The following ANKS1B variants were observed in gnomAD, a reference collection of about 807,000 sequenced individuals.
ANKS1B encodes ankyrin repeat and sterile alpha motif domain-containing protein 1B.
A neutral mutation model predicts 148.3 loss-of-function variants in ANKS1B; 36 were observed. That is an observed-to-expected ratio of 0.24 (90% CI 0.19 to 0.32). The LOEUF (loss-of-function observed/expected upper bound fraction) is 0.32, where lower values mean the gene tolerates loss of function less well. ANKS1B is among the 10% of genes least tolerant of loss of function. The pLI is 1.00. For synonymous variants in ANKS1B, 542 were observed against 560.8 expected (o/e 0.97, Z 0.47); for missense variants, 1,157 against 1,542.6 (o/e 0.75, Z 4.19).
At chr12:99,101,866 G>T (rs1264307916) in intron 15 of ANKS1B, among the ~76,000 whole-genome samples, 1 of 152,098 alleles carries the variant, frequency 6.6e-6, no homozygotes, top group Non-Finnish European at 1.5e-5. Context: ...TCAGCCTTGA[G>T]GGGCTGTGTT....
At chr12:99,329,540 G>A (rs1355698134) in intron 12 of ANKS1B, among the ~76,000 whole-genome samples, 1 of 151,700 alleles carries the variant, frequency 6.6e-6, no homozygotes, top group Non-Finnish European at 1.5e-5. Flanking sequence ...AGATCATATA[G>A]TACTTGTACA....
intron 17 of ANKS1B, chr12:99,049,109 T>C (rs1004734909): frequency 6.6e-6 from 1 of 152,230 alleles, no homozygotes; most frequent in African/African-American, 2.4e-5. Context: ...GTAACCTCCC[T>C]GGTATGGAAA....
intron 17 of ANKS1B, among the ~76,000 whole-genome samples, chr12:99,027,423 CAG>C (rs1457114376): frequency 1.3e-5 from 2 of 152,176 alleles, no homozygotes; most frequent in African/African-American, 4.8e-5. Context: ...ATGTGCTGAT[CAG>C]AGAGTCAGAG....
intron 9 of ANKS1B, among the ~76,000 whole-genome samples, chr12:99,631,701 T>C (rs1418049308): frequency 1.3e-5 from 2 of 152,220 alleles, no homozygotes; most frequent in African/African-American, 2.4e-5. Flanking sequence ...CTAGAGTATG[T>C]GGCAGAAGAA....
rs1046505259 is a variant in ANKS1B, at chr12:99,425,678, C to T, written c.1575+17995G>A. ...TTGTGCATTTCCTTGATATTCAGCG[C>T]CATTAATCATTTTTCCTTTTATTTA... On this transcript the variant is annotated intron_variant, in intron 11 of 26. Coordinates refer to ENST00000683438, the MANE Select transcript of ANKS1B (RefSeq NM_001352186.2). Among the ~76,000 whole-genome samples the T allele has an allele frequency of 4.6e-5, 7 of 151,778 alleles. 1 individual carries two copies. Among genetic ancestry groups the T allele is most frequent in the Admixed American group, 2.0e-4 (3 of 15,242 alleles).
In ANKS1B at chr12:99,043,267, G is replaced by A. The variant is rs180746207; in HGVS notation, c.2778+9890C>T. ...TGTTATTCAAATTAATCTAATTTGT[G>A]GAATACACAGTAGAGGGTTTTCCCC... On this transcript the variant is annotated intron_variant, in intron 17 of 26. Coordinates refer to ENST00000683438, the MANE Select transcript of ANKS1B (RefSeq NM_001352186.2). Among the ~76,000 whole-genome samples, 431 of 152,214 alleles carry A rather than the reference G, an allele frequency of 2.8e-3. 2 individuals are homozygous for A. Among genetic ancestry groups the A allele is most frequent in the African/African-American group, 9.6e-3 (400 of 41,526 alleles).
intron 16 of ANKS1B, among the ~76,000 whole-genome samples, chr12:99,081,043 G>A (rs899412548): frequency 5.9e-5 from 9 of 152,136 alleles, no homozygotes; most frequent in African/African-American, 2.2e-4. Context: ...AAAAGACAGC[G>A]AGAAAGATGC....
In ANKS1B at chr12:99,443,745, G is replaced by T; in HGVS notation, c.1503C>A (p.Gly501=). Residue 501 remains glycine, a synonymous_variant, in exon 11 of 27, where the codon GGC becomes GGA. Transcript: ENST00000683438. ...GTSNHRNSST[G]PTPDCSPPSP... is the part of the protein sequence containing the mutation. ...ATGGAGGTGAACAATCAGGTGTTGG[G>T]CCTGTTGAGCTGTTTCTATGGTTAC... 6.2e-7 allele frequency: 1 copy of T among 1,612,284 alleles called. No homozygotes were observed. The highest frequency in any genetic ancestry group is 8.5e-7 in the Non-Finnish European group (1 of 1,178,864).
At chr12:99,009,152 G>A (rs1264914185) in intron 17 of ANKS1B, among the ~76,000 whole-genome samples, 2 of 152,216 alleles carry the variant, frequency 1.3e-5, no homozygotes, top group South Asian at 2.1e-4. Flanking sequence ...GAAAAGCAAA[G>A]CAGAGAATCT....
At chr12:99,205,453 T>G (rs2082548012) in intron 14 of ANKS1B, among the ~76,000 whole-genome samples, 1 of 152,168 alleles carries the variant, frequency 6.6e-6, no homozygotes, top group Non-Finnish European at 1.5e-5. Context: ...TGTTGAAACT[T>G]AATCTTTTGA....
intron 17 of ANKS1B, among the ~76,000 whole-genome samples, chr12:98,958,858 C>T (rs1158138592): frequency 1.3e-5 from 2 of 152,126 alleles, no homozygotes; most frequent in Non-Finnish European, 2.9e-5. Flanking sequence ...TTTGCTACAA[C>T]ATTTAGATGT....
intron 17 of ANKS1B, among the ~76,000 whole-genome samples, chr12:98,944,484 C>T (rs567242876): frequency 6.6e-6 from 1 of 152,092 alleles, no homozygotes; most frequent in South Asian, 2.1e-4. Context: ...ATAAGTTACT[C>T]AGCCTCAGGC....
At chr12:99,089,340 G>A (rs1282511892) in intron 15 of ANKS1B, among the ~76,000 whole-genome samples, 1 of 151,950 alleles carries the variant, frequency 6.6e-6, no homozygotes, top group Non-Finnish European at 1.5e-5. Context: ...ACCAGAATAA[G>A]CTGTTCCCCC....
intron 15 of ANKS1B, among the ~76,000 whole-genome samples, chr12:99,118,435 T>A (rs2061930829): frequency 6.6e-6 from 1 of 152,342 alleles, no homozygotes; most frequent in South Asian, 2.1e-4. Flanking sequence ...TGATGCAGTA[T>A]AATCTTTTAT....
chr12:99,899,799 T>A (rs1212835584), intron 1 of ANKS1B, among the ~76,000 whole-genome samples: 4 of 152,170 alleles, frequency 2.6e-5, no homozygotes, highest in Non-Finnish European at 4.4e-5. Context: ...TTATTTATAA[T>A]CTACCCTCAG....
chr12:99,862,273 G>A (rs2153719295), intron 1 of ANKS1B, among the ~76,000 whole-genome samples: 1 of 152,134 alleles, frequency 6.6e-6, no homozygotes, highest in East Asian at 1.9e-4. Context: ...GTTTGTAAAA[G>A]GATTGTTTTT....
At chr12:99,662,401 T>C (rs1316286432) in intron 8 of ANKS1B, among the ~76,000 whole-genome samples, 1 of 152,216 alleles carries the variant, frequency 6.6e-6, no homozygotes, top group South Asian at 2.1e-4. Flanking sequence ...AGCTGCATGA[T>C]TGCAGAGATG....
intron 12 of ANKS1B, among the ~76,000 whole-genome samples, chr12:99,371,668 C>T (rs1368886945): frequency 1.3e-5 from 2 of 152,000 alleles, no homozygotes; most frequent in East Asian, 1.9e-4. Flanking sequence ...CTGTGAGAAC[C>T]TTCCAAATTC....
At chr12:99,613,577 T>C (rs935446600) in intron 9 of ANKS1B, among the ~76,000 whole-genome samples, 2 of 152,034 alleles carry the variant, frequency 1.3e-5, no homozygotes, top group African/African-American at 4.8e-5. Flanking sequence ...GTGGAGGCCA[T>C]TATCCTTAGA....
Sources: gnomAD v4.1 joint callset for allele counts (sites outside exome capture counted in the v4.1 genomes callset) on GRCh38, gnomAD v4.1.1 for gene constraint, MANE v1.5 for transcripts, NCBI Gene and HGNC (gene_info 2026-07-23, HGNC 2026-07-21) for gene names.